The following NPAS3 variants were observed in gnomAD, a reference collection of about 807,000 sequenced individuals.
The protein encoded by NPAS3 is neuronal PAS domain protein 3, also known as neuronal PAS domain-containing protein 3.
A neutral mutation model predicts 73.1 loss-of-function variants in NPAS3; 14 were observed. The ratio of observed to expected loss-of-function variants is 0.19; its 90% CI spans 0.13 to 0.30. The LOEUF (loss-of-function observed/expected upper bound fraction) is 0.30. Among genes scored for constraint, NPAS3 ranks in the 10% least tolerant of loss-of-function variants. The pLI is 1.00. For synonymous variants in NPAS3, 620 were observed against 541.5 expected, an observed-to-expected ratio of 1.14 and a Z score of -2.01; for missense variants, 1,096 against 1,250.0, an observed-to-expected ratio of 0.88 and a Z score of 1.86.
intron 5 of NPAS3, among the ~76,000 whole-genome samples, chr14:33,653,946 C>T (rs1410066646): frequency 6.6e-6 from 1 of 152,158 alleles, no homozygotes; most frequent in Non-Finnish European, 1.5e-5. Flanking sequence ...TCACTGATTT[C>T]TGTGGTTTGT....
intron 2 of NPAS3, among the ~76,000 whole-genome samples, chr14:33,201,511 C>G (rs1245031911): frequency 6.6e-6 from 1 of 152,138 alleles, no homozygotes; most frequent in Non-Finnish European, 1.5e-5. Flanking sequence ...GAGGAGAAAC[C>G]TTTTGAGATG....
intron 1 of NPAS3, among the ~76,000 whole-genome samples, chr14:32,941,432 T>G (rs2036011969): frequency 6.7e-6 from 1 of 149,478 alleles, no homozygotes; most frequent in Non-Finnish European, 1.5e-5. Context: ...CGTGTGCCAT[T>G]TTAGGAATTT....
At chr14:33,590,729 G>A (rs1165732795) in intron 5 of NPAS3, among the ~76,000 whole-genome samples, 2 of 152,170 alleles carry the variant, frequency 1.3e-5, no homozygotes, top group African/African-American at 4.8e-5. Context: ...AGGGGTTGTA[G>A]CAAAACACCA....
intron 5 of NPAS3, among the ~76,000 whole-genome samples, chr14:33,634,796 C>A (rs1567072774): frequency 6.6e-6 from 1 of 152,296 alleles, no homozygotes. Context: ...GGCTGTGAAT[C>A]ATCAGTCTTG....
At chr14:33,175,740 G>T (rs1033732738) in intron 2 of NPAS3, among the ~76,000 whole-genome samples, 1 of 152,078 alleles carries the variant, frequency 6.6e-6, no homozygotes, top group Non-Finnish European at 1.5e-5. Context: ...ATCCCAATGG[G>T]ATGACATCAT....
At chr14:33,302,849 C>T (rs1270563130) in intron 3 of NPAS3, among the ~76,000 whole-genome samples, 7 of 151,222 alleles carry the variant, frequency 4.6e-5, no homozygotes, top group African/African-American at 1.7e-4. Context: ...CAGTTACACT[C>T]TGTATTTTAG....
At chr14:33,279,199 C>G (rs2041475748) in intron 3 of NPAS3, among the ~76,000 whole-genome samples, 2 of 152,014 alleles carry the variant, frequency 1.3e-5, no homozygotes, top group African/African-American at 4.8e-5. Flanking sequence ...GGTTCCGGGA[C>G]CATACTTAGA....
chr14:33,017,230 T>C (rs1185405117), intron 1 of NPAS3, among the ~76,000 whole-genome samples: 2 of 152,172 alleles, frequency 1.3e-5, no homozygotes, highest in African/African-American at 4.8e-5. Context: ...TGTTCTGTGA[T>C]GGGAACTACC....
intron 4 of NPAS3, among the ~76,000 whole-genome samples, chr14:33,405,144 G>A (rs147259349): frequency 8.5e-5 from 13 of 152,176 alleles, no homozygotes; most frequent in African/African-American, 3.1e-4. Context: ...GGAATGGCGG[G>A]TAATGGCTGC....
chr14:33,284,040 TTTTA>T (rs1183327941), intron 3 of NPAS3, among the ~76,000 whole-genome samples: 2 of 152,216 alleles, frequency 1.3e-5, no homozygotes, highest in Non-Finnish European at 2.9e-5. Flanking sequence ...TCTTCATATG[TTTTA>T]TTTGTTGTTC....
chr14:33,564,040 A>G (rs1288115711), intron 5 of NPAS3, among the ~76,000 whole-genome samples: 1 of 152,242 alleles, frequency 6.6e-6, no homozygotes, highest in African/African-American at 2.4e-5. Flanking sequence ...CTCTTTCCAC[A>G]AAGGATTTCA....
At chr14:33,319,865 T>G (rs1186058561) in intron 3 of NPAS3, among the ~76,000 whole-genome samples, 1 of 152,184 alleles carries the variant, frequency 6.6e-6, no homozygotes, top group East Asian at 1.9e-4. Flanking sequence ...ATGAACTTTT[T>G]GTGAACATGT....
intron 2 of NPAS3, among the ~76,000 whole-genome samples, chr14:33,204,017 C>G (rs1401661350): frequency 2.0e-5 from 3 of 152,154 alleles, no homozygotes; most frequent in Non-Finnish European, 2.9e-5. Flanking sequence ...GCCATTCTAA[C>G]TGGTGTGAGA....
chr14:33,077,762 A>T (rs1293584051), intron 2 of NPAS3, among the ~76,000 whole-genome samples: 2 of 59,802 alleles, frequency 3.3e-5, no homozygotes, highest in African/African-American at 8.8e-5. Context: ...TGCTCAAAAC[A>T]TTGCAGTAAG....
At chr14:33,271,156 C>G (rs2041058478) in intron 3 of NPAS3, among the ~76,000 whole-genome samples, 1 of 152,248 alleles carries the variant, frequency 6.6e-6, no homozygotes, top group East Asian at 1.9e-4. Flanking sequence ...ATCTAAGGCT[C>G]ATAGATTGAA....
chr14:33,004,902 A>G (rs1002125630), intron 1 of NPAS3, among the ~76,000 whole-genome samples: 7 of 142,920 alleles, frequency 4.9e-5, no homozygotes, highest in Admixed American at 7.5e-5. Flanking sequence ...ACTATACGGT[A>G]TCAAGGTCAC....
intron 1 of NPAS3, among the ~76,000 whole-genome samples, chr14:33,037,526 TGTG>T (rs2138389299): frequency 6.6e-6 from 1 of 150,630 alleles, no homozygotes; most frequent in Admixed American, 6.6e-5. Flanking sequence ...ATTAGGTTGG[TGTG>T]GTGTTGCACA....
chr14:33,476,929 A>T (rs1467544637), intron 4 of NPAS3, among the ~76,000 whole-genome samples: 3 of 152,148 alleles, frequency 2.0e-5, no homozygotes, highest in Non-Finnish European at 4.4e-5. Context: ...AATGCCCATG[A>T]TTTCAAAGTA....
At chr14:33,705,458 T>C (rs1300315142) in intron 6 of NPAS3, among the ~76,000 whole-genome samples, 1 of 152,230 alleles carries the variant, frequency 6.6e-6, no homozygotes, top group Non-Finnish European at 1.5e-5. Flanking sequence ...ACACTGAATT[T>C]ATCCTTTCCG....
Sources: allele counts gnomAD v4.1 joint callset (sites outside exome capture counted in the v4.1 genomes callset), GRCh38; gene constraint gnomAD v4.1.1; transcripts MANE v1.5; gene names NCBI Gene and HGNC (gene_info 2026-07-23, HGNC 2026-07-21).